The following THADA variants were observed in gnomAD, a reference collection of about 807,000 sequenced individuals.
The protein encoded by THADA is tRNA (32-2'-O)-methyltransferase regulator THADA.
Under a neutral mutation model 219.8 loss-of-function variants are expected in THADA, and 213 were observed. The ratio of observed to expected loss-of-function variants is 0.97; its 90% CI spans 0.87 to 1.09. THADA has a LOEUF of 1.09. Ranked by LOEUF, THADA falls within the 50% of genes least tolerant of loss-of-function variation. The pLI is 0.00. For synonymous variants in THADA, 1,018 were observed against 828.9 expected, an observed-to-expected ratio of 1.23 and a Z score of -3.92; for missense variants, 2,956 against 2,311.3, an observed-to-expected ratio of 1.28 and a Z score of -5.72.
In THADA at chr2:43,508,738, T is replaced by C. The variant is rs375311623; in HGVS notation, c.3417A>G (p.Leu1139=). 6 of 1,613,610 alleles carry C rather than the reference T, an allele frequency of 3.7e-6. No individual in the cohort carries two copies. Among genetic ancestry groups the C allele is most frequent in the Admixed American group, 3.3e-5 (2 of 59,976 alleles). The change falls in exon 23 of 38, where the codon CTA becomes CTG. Residue 1139 remains leucine, a synonymous_variant. Coordinates refer to ENST00000405975, the MANE Select transcript of THADA (RefSeq NM_022065.5). ...ATTTAATTTCCTCTAAAACACTCCA[T>C]AGCCACTGTTCTGGCAGCTTTTGCA... ...VSLQKLPEQW[L]WSVLEEIKCS... is the part of the protein sequence containing the mutation.
intron 21 of THADA, among the ~76,000 whole-genome samples, chr2:43,531,402 C>A (rs762234284): frequency 6.6e-6 from 1 of 152,218 alleles, no homozygotes; most frequent in Non-Finnish European, 1.5e-5. Context: ...AATGAGCATA[C>A]ACAGACAAGG....
At chr2:43,323,439 C>G (rs1171427615) in intron 30 of THADA, among the ~76,000 whole-genome samples, 1 of 152,232 alleles carries the variant, frequency 6.6e-6, no homozygotes, top group Non-Finnish European at 1.5e-5. Flanking sequence ...TCTGCTGTTA[C>G]TCTTCCATCC....
At chr2:43,595,469 G>C (rs1438502135) in intron 1 of THADA, among the ~76,000 whole-genome samples, 1 of 152,180 alleles carries the variant, frequency 6.6e-6, no homozygotes, top group African/African-American at 2.4e-5. Flanking sequence ...AAGTTTGCAG[G>C]AGGATTTGCT....
At chr2:43,391,142 T>C (rs1474369542) in intron 29 of THADA, among the ~76,000 whole-genome samples, 1 of 152,126 alleles carries the variant, frequency 6.6e-6, no homozygotes, top group African/African-American at 2.4e-5. Flanking sequence ...CAGTGACTGG[T>C]ACATCACACT....
chr2:43,422,998 C>A (rs1677914016), intron 28 of THADA, among the ~76,000 whole-genome samples: 1 of 152,188 alleles, frequency 6.6e-6, no homozygotes, highest in Non-Finnish European at 1.5e-5. Context: ...AAAATGATGA[C>A]AACAACGAAA....
intron 36 of THADA, among the ~76,000 whole-genome samples, chr2:43,273,270 C>CAACAACAAAA (rs1159956117): frequency 2.6e-5 from 3 of 115,940 alleles, no homozygotes; most frequent in African/African-American, 9.9e-5. Flanking sequence ...ACAACAACAA[C>CAACAACAAAA]AAAAAAAAAA....
intron 28 of THADA, among the ~76,000 whole-genome samples, chr2:43,407,374 C>CT (rs1017755850): frequency 1.3e-5 from 2 of 151,916 alleles, no homozygotes; most frequent in African/African-American, 4.8e-5. Flanking sequence ...CATTAAAAAA[C>CT]TTTTTTTTAG....
intron 26 of THADA, among the ~76,000 whole-genome samples, chr2:43,450,991 G>A (rs1285672786): frequency 6.6e-6 from 1 of 152,010 alleles, no homozygotes; most frequent in African/African-American, 2.4e-5. Context: ...TTTCAGTTTT[G>A]CAAAATAAAA....
At chr2:43,257,384 G>C (rs1670446192) in intron 36 of THADA, among the ~76,000 whole-genome samples, 1 of 152,228 alleles carries the variant, frequency 6.6e-6, no homozygotes, top group African/African-American at 2.4e-5. Context: ...CACTGCATAG[G>C]AGTCAGGCAA....
chr2:43,326,612 T>C (rs1220775072), intron 30 of THADA, among the ~76,000 whole-genome samples: 1 of 152,164 alleles, frequency 6.6e-6, no homozygotes, highest in African/African-American at 2.4e-5. Flanking sequence ...TACAATGATG[T>C]GAACTGCCAA....
intron 29 of THADA, among the ~76,000 whole-genome samples, chr2:43,365,742 A>C (rs1477697012): frequency 6.6e-6 from 1 of 152,140 alleles, no homozygotes; most frequent in African/African-American, 2.4e-5. Context: ...GTTAAAAAAA[A>C]GGTGGGTTCC....
chr2:43,459,548 A>G (rs1683392002), intron 26 of THADA, among the ~76,000 whole-genome samples: 1 of 152,224 alleles, frequency 6.6e-6, no homozygotes, highest in South Asian at 2.1e-4. Context: ...CTAGAAACTA[A>G]AAGTCAAAAT....
At chr2:43,251,707 C>T (rs1669824195) in intron 36 of THADA, among the ~76,000 whole-genome samples, 1 of 152,258 alleles carries the variant, frequency 6.6e-6, no homozygotes, top group South Asian at 2.1e-4. Flanking sequence ...ATGCACCTTA[C>T]AATCATGGTG....
chr2:43,297,855 CCCCGTCCGGGAGGTGAGGGGCGCCTCTG>C (rs1675729714), intron 31 of THADA, among the ~76,000 whole-genome samples: 1 of 118,682 alleles, frequency 8.4e-6, no homozygotes, highest in South Asian at 2.6e-4. Flanking sequence ...CGGCCAGCCG[CCCCGTCCGGGAGGTGAGGGGCGCCTCTG>C]CCCGGCCGCC....
chr2:43,250,864 A>G (rs1669740963), intron 36 of THADA, among the ~76,000 whole-genome samples: 1 of 152,168 alleles, frequency 6.6e-6, no homozygotes, highest in Non-Finnish European at 1.5e-5. Context: ...AAGTGGGCCC[A>G]TTTGCTTTAA....
chr2:43,360,386 T>TA (rs922264015), intron 29 of THADA, among the ~76,000 whole-genome samples: 17 of 152,340 alleles, frequency 1.1e-4, no homozygotes, highest in African/African-American at 4.1e-4. Context: ...ACAGTGAAAG[T>TA]AAACAGCAAG....
intron 31 of THADA, among the ~76,000 whole-genome samples, chr2:43,297,854 G>A (rs1270594858): frequency 4.0e-5 from 4 of 99,154 alleles, no homozygotes; most frequent in Admixed American, 9.0e-5. Context: ...CCGGCCAGCC[G>A]CCCCGTCCGG....
chr2:43,505,096 C>A (rs1166172715), intron 24 of THADA, among the ~76,000 whole-genome samples: 1 of 151,982 alleles, frequency 6.6e-6, no homozygotes, highest in Non-Finnish European at 1.5e-5. Flanking sequence ...AGGTAGATAC[C>A]ATATTTAAAG....
Position 43,233,049 on chromosome 2 carries a change from A to C in THADA, c.5297-167T>G, listed in dbSNP as rs1667624784. 3 of 661,080 alleles carry C rather than the reference A, an allele frequency of 4.5e-6. No homozygotes were observed. The Admixed American group carries it at 8.7e-5, about 19-fold the overall frequency. 41.0% of individuals were successfully genotyped at this position (661,080 alleles called of 1,614,324 possible). A position where few individuals can be genotyped will look rare whatever the true frequency, so the allele number is the denominator to read the frequency against. On this transcript the variant is annotated intron_variant, in intron 36 of 37. Transcript: ENST00000405975. ...ACTGGAGACGATTAATCACCTTCTG[A>C]ATCCTGCTATTTATACTGTTAGAAT...
Sources: allele counts gnomAD v4.1 joint callset (sites outside exome capture counted in the v4.1 genomes callset), GRCh38; gene constraint gnomAD v4.1.1; transcripts MANE v1.5; gene names NCBI Gene and HGNC (gene_info 2026-07-23, HGNC 2026-07-21).